ARMS2: variants seen among roughly 807,000 people sequenced by gnomAD.
ARMS2 encodes the protein age-related maculopathy susceptibility protein 2.
Under a neutral mutation model 6.0 loss-of-function variants are expected in ARMS2, and 4 were observed. The ratio of observed to expected loss-of-function variants is 0.67; its 90% CI spans 0.33 to 1.53. The LOEUF is 1.53. Ranked by LOEUF, ARMS2 falls within the 40% of genes most tolerant of loss-of-function variation. The probability of loss-of-function intolerance (pLI) is 0.06; values close to 1 mark genes in which losing one functional copy is unlikely to be tolerated. For missense variants in ARMS2, 99 were observed against 127.6 expected (o/e 0.78, Z 1.08); for synonymous variants, 49 against 51.7 (o/e 0.95, Z 0.22).
chr10:122,455,589 A>C (rs922389700), intron 1 of ARMS2, among the ~76,000 whole-genome samples: 2 of 152,208 alleles, frequency 1.3e-5, no homozygotes, highest in African/African-American at 4.8e-5. Context: ...TTGGTTTAAA[A>C]TTTAGACATC....
rs1038924810 is a variant in ARMS2, at chr10:122,454,967, C to A, written c.240C>A (p.Phe80Leu). 1.9e-6 allele frequency: 3 copies of A among 1,613,730 alleles called. No individual in the cohort carries two copies. Among genetic ancestry groups the A allele is most frequent in the Non-Finnish European group, 2.5e-6 (3 of 1,179,704 alleles). Reference sequence around the variant, plus strand: ...ACACTGAGCTCTGCTTACCAGCCTTCTTCTCTCCTGCTGGAACCCAGAGGA... The same window carrying A: ...ACACTGAGCTCTGCTTACCAGCCTTATTCTCTCCTGCTGGAACCCAGAGGA... ...KIHTELCLPA[F>L]FSPAGTQRRF... The change falls in exon 1 of 2, where the codon TTC becomes TTA. Residue 80 changes from phenylalanine (F) to leucine (L), a missense_variant. Transcript: ENST00000528446.
chr10:122,455,721 T>G (rs2097476618), intron 1 of ARMS2, among the ~76,000 whole-genome samples: 1 of 152,210 alleles, frequency 6.6e-6, no homozygotes, highest in Non-Finnish European at 1.5e-5. Flanking sequence ...ACACAAAGGT[T>G]GAACCCCTTC....
chr10:122,455,797 T>C (rs1455253269), intron 1 of ARMS2, among the ~76,000 whole-genome samples: 1 of 152,136 alleles, frequency 6.6e-6, no homozygotes, highest in East Asian at 1.9e-4. Flanking sequence ...CTTGATTCAA[T>C]GTTAAACCAT....
Position 122,456,976 on chromosome 10 carries a change from C to T in ARMS2, c.*43C>T. ...TCCTTAAAAGCCAACTGGAGCTTCT[C>T]ATCAGCATCAATGTGAAGCCAAAAA... On this transcript the variant is annotated 3_prime_UTR_variant, in exon 2 of 2. Coordinates refer to ENST00000528446, the MANE Select transcript of ARMS2 (RefSeq NM_001099667.3). The T allele has an allele frequency of 3.2e-6, 5 of 1,551,154 alleles. No homozygotes were observed. Among genetic ancestry groups the T allele is most frequent in the Non-Finnish European group, 4.4e-6 (5 of 1,146,790 alleles).
chr10:122,456,914 T>G lies in ARMS2; in HGVS notation c.305T>G (p.Ile102Ser), dbSNP rs909444688. The change falls in exon 2 of 2, where the codon ATC (isoleucine) becomes AGC (serine). Residue 102 changes from isoleucine to serine, a missense_variant. Transcript: ENST00000528446. ...QPQHHLTLSI[I>S]HTAAR The stretch of plus-strand genomic sequence containing the variant: ...AATCTATTTTTTTTTCAGTCTATCA[T>G]CCACACTGCAGCAAGGTGATTCTGC... The G allele has an allele frequency of 2.6e-6, 4 of 1,551,434 alleles. No homozygotes were observed. Among genetic ancestry groups the G allele is most frequent in the Non-Finnish European group, 3.5e-6 (4 of 1,146,900 alleles).
At position 122,454,736 on chromosome 10, in the gene ARMS2, C is replaced by T; in HGVS notation, c.9C>T (p.Arg3=). The change falls in exon 1 of 2, where the codon CGC becomes CGT. Residue 3 remains arginine, a synonymous_variant. Coordinates refer to ENST00000528446, the MANE Select transcript of ARMS2 (RefSeq NM_001099667.3). ML[R]LYPGPMVTEA... ...ATGTCCCTGTACCCTACATGCTGCG[C>T]CTATACCCAGGACCGATGGTAACTG... 1.9e-6 allele frequency: 3 copies of T among 1,613,746 alleles called. No homozygotes were observed. Among genetic ancestry groups the T allele is most frequent in the Non-Finnish European group, 1.7e-6 (2 of 1,179,862 alleles).
chr10:122,455,506 A>C (rs981605497), intron 1 of ARMS2, among the ~76,000 whole-genome samples: 1 of 152,198 alleles, frequency 6.6e-6, no homozygotes, highest in Non-Finnish European at 1.5e-5. Flanking sequence ...ATTAAAAAAA[A>C]TGCCTTGGCT....
At position 122,456,907 on chromosome 10, in the gene ARMS2, T is replaced by C. The variant is rs2097477622; in HGVS notation, c.298T>C (p.Ser100Pro). 4.5e-6 allele frequency: 7 copies of C among 1,551,116 alleles called. No homozygotes were observed. Among genetic ancestry groups the C allele is most frequent in the Non-Finnish European group, 6.1e-6 (7 of 1,146,818 alleles). ...ATTACTAAATCTATTTTTTTTTCAG[T>C]CTATCATCCACACTGCAGCAAGGTG... ...FQQPQHHLTLSIIHTAAR is the reference protein window; with the variant it reads ...FQQPQHHLTLPIIHTAAR The change falls in exon 2 of 2, where the codon TCT becomes CCT. Residue 100 changes from serine (S) to proline (P), a missense_variant and splice_region_variant. Ser to Pro is a moderately conservative substitution (Grantham distance 74). Transcript: ENST00000528446.
chr10:122,456,079 G>A lies in ARMS2; in HGVS notation c.298-828G>A, dbSNP rs572376549. 3.3e-5 allele frequency among the ~76,000 whole-genome samples: 5 copies of A among 152,112 alleles called. No homozygotes were observed. The East Asian group carries it at 5.8e-4, about 18-fold the overall frequency. Reference sequence around the variant, plus strand: ...TGCAACTGATTTAGGGGAAGGGTTCGCCTAAATTAATAAAAGATCTGAATT... The same window carrying A: ...TGCAACTGATTTAGGGGAAGGGTTCACCTAAATTAATAAAAGATCTGAATT... On this transcript the variant is annotated intron_variant, in intron 1 of 1. Coordinates refer to ENST00000528446, the MANE Select transcript of ARMS2 (RefSeq NM_001099667.3).
rs764589515 is a variant in ARMS2 at position 122,454,851 on chromosome 10, C to T, written c.124C>T (p.Leu42=). The T allele has an allele frequency of 6.2e-7, 1 of 1,614,008 alleles. No individual in the cohort carries two copies. Among genetic ancestry groups the T allele is most frequent in the Non-Finnish European group, 8.5e-7 (1 of 1,179,892 alleles). ...CATTTCCACTCTGCGAGAGTCTGTG[C>T]TGGACCCTGGAGTTGGTGGAGAAGG... ...SFISTLRESV[L]DPGVGGEGAS... The change falls in exon 1 of 2, where the codon CTG becomes TTG. Residue 42 remains leucine, a synonymous_variant. Coordinates refer to ENST00000528446, the MANE Select transcript of ARMS2 (RefSeq NM_001099667.3).
In ARMS2 at chr10:122,456,894, A is replaced by AT. The variant is rs369018824; in HGVS notation, c.298-4dup. 444 of 1,503,714 alleles carry AT rather than the reference A, an allele frequency of 3.0e-4. No homozygotes were observed. The highest frequency in any genetic ancestry group is 2.8e-3 in the African/African-American group (199 of 71,296). The allele number at this position is 1,503,714 out of a possible 1,614,324, so 93.1% of individuals were successfully genotyped here. On this transcript the variant is annotated splice_polypyrimidine_tract_variant and intron_variant, in intron 1 of 1. Coordinates refer to ENST00000528446, the MANE Select transcript of ARMS2 (RefSeq NM_001099667.3). ...TTTAAAAATGCATATTACTAAATCT[A>AT]TTTTTTTTTCAGTCTATCATCCACA...
At chr10:122,455,559 T>A (rs374446560) in intron 1 of ARMS2, among the ~76,000 whole-genome samples, 141 of 152,304 alleles carry the variant, frequency 9.3e-4, no homozygotes, top group Non-Finnish European at 4.0e-4. Context: ...AGAGAAAGAA[T>A]CTGGGCCTTA....
chr10:122,457,079 C>A lies in ARMS2; in HGVS notation c.*146C>A. The A allele has an allele frequency of 9.3e-7, 1 of 1,071,898 alleles. No homozygotes were observed. The highest frequency in any genetic ancestry group is 1.3e-6 in the Non-Finnish European group (1 of 746,390). The allele number at this position is 1,071,898 out of a possible 1,614,324, so 66.4% of individuals were successfully genotyped here. A position where few individuals can be genotyped will look rare whatever the true frequency, so the allele number is the denominator to read the frequency against. ...CCAGCTGCCTCAACTGTCCACAGGACTCTCTTCCCACCTGCGGCCACACTG... is the reference window on the plus strand; with the variant it reads ...CCAGCTGCCTCAACTGTCCACAGGAATCTCTTCCCACCTGCGGCCACACTG... On this transcript the variant is annotated 3_prime_UTR_variant, in exon 2 of 2. Coordinates refer to ENST00000528446, the MANE Select transcript of ARMS2 (RefSeq NM_001099667.3).
At chr10:122,455,799 T>G (rs3750848) in intron 1 of ARMS2, among the ~76,000 whole-genome samples, 35,723 of 151,984 alleles carry the variant, frequency 0.24, 4,417 homozygotes, top group East Asian at 0.42. Flanking sequence ...TGATTCAATG[T>G]TAAACCATTT....
intron 1 of ARMS2, among the ~76,000 whole-genome samples, chr10:122,456,580 G>T (rs1188239196): frequency 6.6e-6 from 1 of 151,962 alleles, no homozygotes; most frequent in Non-Finnish European, 1.5e-5. Flanking sequence ...CTAGAACCTG[G>T]GAGGTGGAGG....
At position 122,456,794 on chromosome 10, in the gene ARMS2, A is replaced by G. The variant is rs2097477492; in HGVS notation, c.298-113A>G. 3 of 1,434,978 alleles carry G rather than the reference A, an allele frequency of 2.1e-6. No homozygotes were observed. The South Asian group carries it at 4.1e-5, about 20-fold the overall frequency. The allele number at this position is 1,434,978 out of a possible 1,614,324, so 88.9% of individuals were successfully genotyped here. The stretch of plus-strand genomic sequence containing the variant: ...AAGGAATGGAATGTCTATACTTCTT[A>G]CCCTATTGAGTTACATTAACTGCAT... On this transcript the variant is annotated intron_variant, in intron 1 of 1. Coordinates refer to ENST00000528446, the MANE Select transcript of ARMS2 (RefSeq NM_001099667.3).
intron 1 of ARMS2, among the ~76,000 whole-genome samples, chr10:122,456,303 A>AAAAAAAG (rs1554947485): frequency 2.6e-5 from 4 of 151,914 alleles, no homozygotes; most frequent in East Asian, 1.9e-4. Flanking sequence ...AAAACAAAAA[A>AAAAAAAG]AAAAAAGAAA....
rs1275606102 is a variant in ARMS2 at position 122,454,825 on chromosome 10, T to C, written c.98T>C (p.Phe33Ser). 2 of 1,613,880 alleles carry C rather than the reference T, an allele frequency of 1.2e-6. No individual in the cohort carries two copies. Among genetic ancestry groups the C allele is most frequent in the Non-Finnish European group, 1.7e-6 (2 of 1,179,890 alleles). The change falls in exon 1 of 2, where the codon TTC becomes TCC. Residue 33 changes from phenylalanine to serine, a missense_variant. Coordinates refer to ENST00000528446, the MANE Select transcript of ARMS2 (RefSeq NM_001099667.3). ...TCCTCCTCGGTGGTTCCTGTGTCCT[T>C]CATTTCCACTCTGCGAGAGTCTGTG... ...SLSSSVVPVSFISTLRESVLD... is the reference protein window; with the variant it reads ...SLSSSVVPVSSISTLRESVLD...
chr10:122,455,055 C>A (rs1451454926), intron 1 of ARMS2, 31 bp downstream of exon 1: 4 of 1,238,544 alleles, frequency 3.2e-6, no homozygotes, highest in Admixed American at 2.0e-5. Flanking sequence ...GGCCTTACCC[C>A]AGACCTATTG....
Sources: allele counts gnomAD v4.1 joint callset (sites outside exome capture counted in the v4.1 genomes callset), GRCh38; gene constraint gnomAD v4.1.1; transcripts MANE v1.5; gene names NCBI Gene and HGNC (gene_info 2026-07-23, HGNC 2026-07-21).